Variants in CRPPA observed in about 807,000 individuals in gnomAD.
CRPPA encodes the protein CDP-L-ribitol pyrophosphorylase A, also known as D-ribitol-5-phosphate cytidylyltransferase.
A neutral mutation model predicts 52.0 loss-of-function variants in CRPPA; 43 were observed. That is an observed-to-expected ratio of 0.83 (90% confidence interval 0.65 to 1.07). The LOEUF (loss-of-function observed/expected upper bound fraction) is 1.07. CRPPA is among the 50% of genes least tolerant of loss of function. The pLI is 0.00. For missense variants in CRPPA, 629 were observed against 551.7 expected (o/e 1.14, Z -1.40); for synonymous variants, 250 against 203.5 (o/e 1.23, Z -1.94).
At chr7:16,194,762 T>A (rs994385958) in intron 9 of CRPPA, among the ~76,000 whole-genome samples, 3 of 152,012 alleles carry the variant, frequency 2.0e-5, no homozygotes, top group African/African-American at 7.2e-5. Context: ...GATAGAGTAG[T>A]AGGATCTATA....
intron 2 of CRPPA, among the ~76,000 whole-genome samples, chr7:16,398,466 G>A (rs530450918): frequency 9.2e-5 from 14 of 151,890 alleles, no homozygotes; most frequent in East Asian, 7.8e-4. Flanking sequence ...TCACGTGTGC[G>A]ATTGACATGA....
chr7:16,107,270 G>A (rs1782175441), intron 9 of CRPPA, among the ~76,000 whole-genome samples: 2 of 152,040 alleles, frequency 1.3e-5, no homozygotes, highest in African/African-American at 4.8e-5. Flanking sequence ...AGGACAGAAA[G>A]CATAGCGGTC....
At chr7:16,116,047 C>T (rs1037306230) in intron 9 of CRPPA, among the ~76,000 whole-genome samples, 2 of 152,080 alleles carry the variant, frequency 1.3e-5, no homozygotes, top group South Asian at 2.1e-4. Flanking sequence ...ATAAAATTAT[C>T]GTGTAATGGT....
At chr7:16,276,292 G>A (rs981217349) in intron 6 of CRPPA, among the ~76,000 whole-genome samples, 8 of 152,028 alleles carry the variant, frequency 5.3e-5, no homozygotes, top group Non-Finnish European at 8.8e-5. Flanking sequence ...AAAAAGATTC[G>A]AAACTACACA....
chr7:16,275,049 C>G (rs934098948), intron 6 of CRPPA, among the ~76,000 whole-genome samples: 3 of 151,960 alleles, frequency 2.0e-5, no homozygotes, highest in African/African-American at 4.8e-5. Flanking sequence ...GCACTCCAGC[C>G]TGGGCAACTG....
chr7:16,419,355 G>A (rs1425295757), intron 1 of CRPPA, among the ~76,000 whole-genome samples: 1 of 152,204 alleles, frequency 6.6e-6, no homozygotes, highest in Non-Finnish European at 1.5e-5. Flanking sequence ...TAACCATTAA[G>A]CTCATTCCTT....
intron 3 of CRPPA, among the ~76,000 whole-genome samples, chr7:16,332,953 C>G (rs1785588914): frequency 6.6e-6 from 1 of 151,944 alleles, no homozygotes; most frequent in African/African-American, 2.4e-5. Context: ...ACCACGCTAA[C>G]ATTATCAAAA....
intron 2 of CRPPA, among the ~76,000 whole-genome samples, chr7:16,377,180 T>G (rs1351218016): frequency 6.6e-6 from 1 of 152,022 alleles, no homozygotes; most frequent in African/African-American, 2.4e-5. Context: ...TCAAAGCAAA[T>G]GTATGAGCCA....
chr7:16,178,260 C>A (rs1033858010), intron 9 of CRPPA, among the ~76,000 whole-genome samples: 2 of 152,016 alleles, frequency 1.3e-5, no homozygotes, highest in East Asian at 3.9e-4. Flanking sequence ...AAATGACATA[C>A]ACAAATGACC....
chr7:16,390,330 G>A (rs1787410373), intron 2 of CRPPA, among the ~76,000 whole-genome samples: 1 of 151,874 alleles, frequency 6.6e-6, no homozygotes, highest in Non-Finnish European at 1.5e-5. Context: ...CAAGTATAAA[G>A]CCCAACTCTG....
chr7:16,324,281 C>A (rs1785328342), intron 3 of CRPPA, among the ~76,000 whole-genome samples: 1 of 152,172 alleles, frequency 6.6e-6, no homozygotes, highest in Non-Finnish European at 1.5e-5. Flanking sequence ...CAGCTGCAGA[C>A]TGGTGAGCCA....
At chr7:16,249,114 G>A (rs867181352) in intron 8 of CRPPA, among the ~76,000 whole-genome samples, 2 of 152,136 alleles carry the variant, frequency 1.3e-5, no homozygotes, top group East Asian at 1.9e-4. Flanking sequence ...TGGGTGGTTC[G>A]AACTGGATGC....
intron 9 of CRPPA, among the ~76,000 whole-genome samples, chr7:16,190,112 G>A (rs1268746042): frequency 6.6e-6 from 1 of 152,118 alleles, no homozygotes; most frequent in Non-Finnish European, 1.5e-5. Flanking sequence ...TTTCAAACAT[G>A]AGACTACAAT....
Position 16,421,394 on chromosome 7 carries a change from G to A in CRPPA, c.-72C>T. On this transcript the variant is annotated 5_prime_UTR_variant, in exon 1 of 10. Transcript: ENST00000407010. ...CCCCGCGCTGCTCCCACCCTCGGCC[G>A]GGGTCGCGGGGCGAAGGGCAGACCA... 8.3e-7 allele frequency: 1 copy of A among 1,204,770 alleles called. No individual in the cohort carries two copies. Among genetic ancestry groups the A allele is most frequent in the Non-Finnish European group, 1.0e-6 (1 of 968,886 alleles). 74.6% of individuals were successfully genotyped at this position (1,204,770 alleles called of 1,614,324 possible). A position where few individuals can be genotyped will look rare whatever the true frequency, so the allele number is the denominator to read the frequency against.
intron 3 of CRPPA, among the ~76,000 whole-genome samples, chr7:16,319,444 C>G (rs1488910294): frequency 2.0e-5 from 3 of 152,126 alleles, no homozygotes; most frequent in Non-Finnish European, 4.4e-5. Flanking sequence ...CATGGATCCC[C>G]TAGCTTCTGT....
chr7:16,361,224 G>C (rs370793404), intron 3 of CRPPA, among the ~76,000 whole-genome samples: 1 of 152,110 alleles, frequency 6.6e-6, no homozygotes, highest in Admixed American at 6.5e-5. Context: ...TGACAAGGAT[G>C]TGTAGAAACT....
At chr7:16,277,708 GCTTTT>G (rs946059572) in intron 6 of CRPPA, among the ~76,000 whole-genome samples, 4 of 152,030 alleles carry the variant, frequency 2.6e-5, no homozygotes, top group African/African-American at 9.7e-5. Flanking sequence ...ACATTTACTC[GCTTTT>G]CCAATATCAT....
chr7:16,260,362 T>C (rs1783762850), intron 6 of CRPPA, among the ~76,000 whole-genome samples: 1 of 152,044 alleles, frequency 6.6e-6, no homozygotes, highest in Non-Finnish European at 1.5e-5. Flanking sequence ...GAGGAGCAGA[T>C]GGGCTGATTT....
chr7:16,278,653 A>C (rs1322385827), intron 5 of CRPPA, among the ~76,000 whole-genome samples: 3 of 152,194 alleles, frequency 2.0e-5, no homozygotes, highest in Non-Finnish European at 4.4e-5. Context: ...TGTGCCATCC[A>C]GTGCCTTGGT....
Sources: allele counts gnomAD v4.1 joint callset (sites outside exome capture counted in the v4.1 genomes callset), GRCh38; gene constraint gnomAD v4.1.1; transcripts MANE v1.5; gene names NCBI Gene and HGNC (gene_info 2026-07-23, HGNC 2026-07-21).